Variants in DHRS12 observed in about 807,000 individuals in gnomAD.
DHRS12 encodes the protein dehydrogenase/reductase 12.
Under a neutral mutation model 32.1 loss-of-function variants are expected in DHRS12, and 29 were observed. The observed-to-expected ratio is 0.90, with a 90% confidence interval of 0.67 to 1.23. DHRS12 has a LOEUF of 1.23. Ranked by LOEUF, DHRS12 falls within the 50% of genes most tolerant of loss-of-function variation. The pLI, the probability that DHRS12 is intolerant of heterozygous loss-of-function variation, is 0.00. For missense variants in DHRS12, 330 were observed against 337.2 expected (o/e 0.98, Z 0.17); for synonymous variants, 150 against 135.9 (o/e 1.10, Z -0.72).
At chr13:51,758,143 T>C in the DHRS12 span, 1 of 1,451,166 alleles carries the variant, frequency 6.9e-7, no homozygotes, top group Non-Finnish European at 9.5e-7. Flanking sequence ...TCTCTCTCAT[T>C]CATATGTCAC....
chr13:51,792,707 G>A (rs1388852707), intron 2 of DHRS12, among the ~76,000 whole-genome samples: 1 of 152,118 alleles, frequency 6.6e-6, no homozygotes, highest in Non-Finnish European at 1.5e-5. Flanking sequence ...GCTTGTGTTG[G>A]CCATTTGTGT....
At position 51,768,105 on chromosome 13, in the gene DHRS12, G is replaced by C; in HGVS notation, c.*82C>G. On this transcript the variant is annotated 3_prime_UTR_variant, in exon 9 of 9. Coordinates refer to ENST00000444610, the MANE Select transcript of DHRS12 (RefSeq NM_001377533.1). ...GTCTTCGAGGGGAAGTTGAAGTGGG[G>C]TCTTCTTATTCACTGGTCCCTAGAC... 6.6e-7 allele frequency: 1 copy of C among 1,515,668 alleles called. No homozygotes were observed. The highest frequency in any genetic ancestry group is 8.8e-7 in the Non-Finnish European group (1 of 1,135,354). The allele number at this position is 1,515,668 out of a possible 1,614,324, so 93.9% of individuals were successfully genotyped here. A position where few individuals can be genotyped will look rare whatever the true frequency, so the allele number is the denominator to read the frequency against.
At chr13:51,767,785 G>GGGC (rs1566267592), downstream of DHRS12, 1 of 63,542 alleles carries the variant, frequency 1.6e-5, no homozygotes, top group Non-Finnish European at 4.2e-5. Context: ...CTGGGGCGGG[G>GGGC]GGGGGGGGGG....
At chr13:51,789,722 G>T in intron 4 of DHRS12, 1 of 985,388 alleles carries the variant, frequency 1.0e-6, no homozygotes, top group Non-Finnish European at 1.2e-6. Context: ...CAACACTTAA[G>T]CTGAACTTGC....
intron 7 of DHRS12, among the ~76,000 whole-genome samples, chr13:51,769,789 TC>T (rs1377075938): frequency 2.6e-5 from 4 of 152,166 alleles, no homozygotes; most frequent in African/African-American, 9.7e-5. Flanking sequence ...ATTCTTCACT[TC>T]CTCTGCCAAG....
At chr13:51,794,720 A>AAGCCTATCTCAAAAAT in intron 2 of DHRS12, among the ~76,000 whole-genome samples, 1 of 152,294 alleles carries the variant, frequency 6.6e-6, no homozygotes, top group Middle Eastern at 3.4e-3. Context: ...CCAACTGTGA[A>AAGCCTATCTCAAAAAT]AGCCTATCTC....
At chr13:51,790,279 C>A (rs2139280710) in intron 3 of DHRS12, among the ~76,000 whole-genome samples, 187 bp from the exon 4 acceptor site, 1 of 152,224 alleles carries the variant, frequency 6.6e-6, no homozygotes, top group East Asian at 1.9e-4. Flanking sequence ...AGGATTCAGC[C>A]ACAGAACTGT....
At chr13:51,771,278 A>T in intron 7 of DHRS12, 1 of 1,555,040 alleles carries the variant, frequency 6.4e-7, no homozygotes, top group South Asian at 1.2e-5. Context: ...AGCTGCAGAG[A>T]GCCCAGGTGA....
intron 4 of DHRS12, chr13:51,789,423 T>C (rs890100614): frequency 2.0e-6 from 1 of 510,926 alleles, no homozygotes; most frequent in African/African-American, 2.1e-5. Context: ...GATTTAACTC[T>C]TGGCCTCATT....
At chr13:51,768,858 G>A (rs1593500099) in intron 8 of DHRS12, 2 of 1,357,748 alleles carry the variant, frequency 1.5e-6, no homozygotes, top group East Asian at 3.1e-5. Context: ...CGCCCCTCCT[G>A]GGCCTCAGCA....
intron 7 of DHRS12, chr13:51,771,210 T>G: frequency 6.4e-7 from 1 of 1,551,500 alleles, no homozygotes; most frequent in Non-Finnish European, 8.7e-7. Context: ...GGGTGCACCC[T>G]GGGGTGTGTG....
intron 4 of DHRS12, among the ~76,000 whole-genome samples, chr13:51,784,498 G>T (rs1954862750): frequency 6.6e-6 from 1 of 152,014 alleles, no homozygotes; most frequent in South Asian, 2.1e-4. Context: ...TTGGACAGGA[G>T]GTGGGGTCTG....
intron 2 of DHRS12, among the ~76,000 whole-genome samples, chr13:51,794,340 G>A (rs527299021): frequency 1.3e-5 from 2 of 152,302 alleles, no homozygotes; most frequent in Admixed American, 6.5e-5. Flanking sequence ...CCCCCCATCA[G>A]AGCAGTTCCC....
At position 51,804,034 on chromosome 13, in the gene DHRS12, GC is replaced by G; in HGVS notation, c.-9+19del. On this transcript the variant is annotated intron_variant, in intron 1 of 8. Coordinates refer to ENST00000444610, the MANE Select transcript of DHRS12 (RefSeq NM_001377533.1). ...GCCACGTGACAGCCCGGGGCCCCGC[GC>G]CCCGCCGCGCCGCCTTACTTGGTGT... 1 of 1,466,228 alleles carries G rather than the reference GC, an allele frequency of 6.8e-7. No individual in the cohort carries two copies. The highest frequency in any genetic ancestry group is 3.0e-5 in the East Asian group (1 of 33,152). 90.8% of individuals were successfully genotyped at this position (1,466,228 alleles called of 1,614,324 possible). A position where few individuals can be genotyped will look rare whatever the true frequency, so the allele number is the denominator to read the frequency against.
Position 51,768,047 on chromosome 13 carries a change from C to T in DHRS12, c.*140G>A. 7.0e-7 allele frequency: 1 copy of T among 1,435,610 alleles called. No homozygotes were observed. The highest frequency in any genetic ancestry group is 2.7e-5 in the Admixed American group (1 of 36,594). 88.9% of individuals were successfully genotyped at this position (1,435,610 alleles called of 1,614,324 possible). ...AGTATTTATTTTGAAATAAAAGTTC[C>T]CATCCCTTGTAGGCCTCGCTGTGAG... is the stretch of plus-strand genomic sequence containing the variant. On this transcript the variant is annotated 3_prime_UTR_variant, in exon 9 of 9. Coordinates refer to ENST00000444610, the MANE Select transcript of DHRS12 (RefSeq NM_001377533.1).
the DHRS12 span, among the ~76,000 whole-genome samples, chr13:51,756,861 G>A: frequency 4.4e-3 from 673 of 152,258 alleles, 3 homozygotes; most frequent in African/African-American, 0.016. Flanking sequence ...TTCATTTTCC[G>A]GGAAGAGCTA....
chr13:51,758,326 T>A, the DHRS12 span: 1 of 1,524,614 alleles, frequency 6.6e-7, no homozygotes, highest in Non-Finnish European at 9.0e-7. Context: ...ATTAAGAAGC[T>A]TTCCATCTTT....
In DHRS12 at chr13:51,803,897, T is replaced by C. The variant is rs1955872192; in HGVS notation, c.-9+157A>G. 26 of 590,520 alleles carry C rather than the reference T, an allele frequency of 4.4e-5. No individual in the cohort carries two copies. In the South Asian group the frequency reaches 1.5e-3, roughly 33 times the overall value. The allele number at this position is 590,520 out of a possible 1,614,324, so 36.6% of individuals were successfully genotyped here. A position where few individuals can be genotyped will look rare whatever the true frequency, so the allele number is the denominator to read the frequency against. On this transcript the variant is annotated intron_variant, in intron 1 of 8. Transcript: ENST00000444610. ...CGACTGCCCCACGCCCAGCCGTGGG[T>C]CGCTAGACGGCGGGCGCACCCGTCG...
intron 4 of DHRS12, among the ~76,000 whole-genome samples, chr13:51,781,020 T>C (rs1954680114): frequency 6.6e-6 from 1 of 152,318 alleles, no homozygotes; most frequent in Non-Finnish European, 1.5e-5. Flanking sequence ...GAGAAAACCA[T>C]TGTCTTGCTG....
Sources: gnomAD v4.1 joint callset for allele counts (sites outside exome capture counted in the v4.1 genomes callset) on GRCh38, gnomAD v4.1.1 for gene constraint, MANE v1.5 for transcripts, NCBI Gene and HGNC (gene_info 2026-07-23, HGNC 2026-07-21) for gene names.